Variants in WWC2 observed in about 807,000 individuals in gnomAD.
WWC2 encodes the protein WW and C2 domain containing 2.
In WWC2, 101 loss-of-function variants were observed where a neutral mutation model predicts 138.5. The observed-to-expected ratio is 0.73, with a 90% CI of 0.62 to 0.86. WWC2 has a LOEUF of 0.86. Ranked by LOEUF, WWC2 falls within the 40% of genes least tolerant of loss-of-function variation. WWC2 has a pLI of 0.00. For synonymous variants in WWC2, 558 were observed against 538.4 expected (o/e 1.04, Z -0.50); for missense variants, 1,420 against 1,419.4 (o/e 1.00, Z -0.01).
Position 183,319,410 on chromosome 4 carries a change from T to C in WWC2, c.*3681T>C, listed in dbSNP as rs1739556482. ...AGAAGATAAAAATGGTTTACCAGTC[T>C]TGGAAAGAAACTATAGTTTAATAGC... On this transcript the variant is annotated 3_prime_UTR_variant, in exon 23 of 23. Transcript: ENST00000403733. The C allele has an allele frequency of 1.1e-6, 1 of 911,334 alleles. No homozygotes were observed. 56.5% of individuals were successfully genotyped at this position (911,334 alleles called of 1,614,324 possible).
intron 1 of WWC2, among the ~76,000 whole-genome samples, chr4:183,122,690 T>A (rs1474798841): frequency 6.6e-6 from 1 of 152,144 alleles, no homozygotes; most frequent in East Asian, 1.9e-4. Flanking sequence ...TAGCTAATTT[T>A]GTGTTTTTAG....
chr4:183,135,403 C>G (rs7696325), intron 1 of WWC2, among the ~76,000 whole-genome samples: 11,667 of 151,936 alleles, frequency 0.077, 847 homozygotes, highest in African/African-American at 0.19. Flanking sequence ...GGCTACCCTA[C>G]AAATGATGAG....
At chr4:183,280,702 T>C in intron 16 of WWC2, 74 bp from the exon 17 acceptor site, 2 of 1,464,172 alleles carry the variant, frequency 1.4e-6, no homozygotes, top group Non-Finnish European at 1.8e-6. Context: ...GAAGTGTAAA[T>C]TCCCATCTGC....
rs1489242956 is a variant in WWC2 at position 183,247,604 on chromosome 4, GCTATATATACTATATATACTATATA to G, written c.733-1067_733-1043del. On this transcript the variant is annotated intron_variant, in intron 6 of 22. Coordinates refer to ENST00000403733, the MANE Select transcript of WWC2 (RefSeq NM_024949.6). ...TATATACTATATATATGCTATATAT[GCTATATATACTATATATACTATATA>G]CTATATATACTATATATACTATATA... Among the ~76,000 whole-genome samples the G allele has an allele frequency of 3.9e-3, 415 of 106,770 alleles. 2 individuals carry two copies. The highest frequency in any genetic ancestry group is 6.4e-3 in the Non-Finnish European group (338 of 52,744). 70.0% of individuals were successfully genotyped at this position (106,770 alleles called of 152,430 possible). A position where few individuals can be genotyped will look rare whatever the true frequency, so the allele number is the denominator to read the frequency against.
At chr4:183,153,687 C>G (rs1389651948) in intron 1 of WWC2, among the ~76,000 whole-genome samples, 1 of 147,848 alleles carries the variant, frequency 6.8e-6, no homozygotes, top group African/African-American at 2.5e-5. Flanking sequence ...TTTCTGTCAC[C>G]CAGGTTGGAG....
intron 21 of WWC2, among the ~76,000 whole-genome samples, chr4:183,292,319 G>C (rs1738483224): frequency 6.6e-6 from 1 of 151,788 alleles, no homozygotes; most frequent in African/African-American, 2.4e-5. Context: ...ACCAGCCTGA[G>C]TGACATAACA....
chr4:183,196,075 C>G lies in WWC2; in HGVS notation c.241+2367C>G, dbSNP rs146288450. On this transcript the variant is annotated intron_variant, in intron 2 of 22. Coordinates refer to ENST00000403733, the MANE Select transcript of WWC2 (RefSeq NM_024949.6). The stretch of plus-strand genomic sequence containing the variant: ...TCTTCCGCTTACTCTCTTGCTTCCT[C>G]TCTCACCACATAATGTGGTGCTCCC... Among the ~76,000 whole-genome samples the G allele has an allele frequency of 8.6e-4, 131 of 152,252 alleles. 2 individuals carry two copies. Among genetic ancestry groups the G allele is most frequent in the African/African-American group, 3.1e-3 (127 of 41,536 alleles).
chr4:183,119,727 C>CT (rs1230668215), intron 1 of WWC2, among the ~76,000 whole-genome samples: 1 of 152,096 alleles, frequency 6.6e-6, no homozygotes, highest in East Asian at 1.9e-4. Context: ...AAAAGATATT[C>CT]TGAGTTATGG....
At chr4:183,154,935 T>C (rs1733755141) in intron 1 of WWC2, among the ~76,000 whole-genome samples, 1 of 152,238 alleles carries the variant, frequency 6.6e-6, no homozygotes, top group East Asian at 1.9e-4. Flanking sequence ...TTCATGCTTC[T>C]TTAAGCACTA....
At chr4:183,205,675 G>A (rs1455463409) in intron 2 of WWC2, among the ~76,000 whole-genome samples, 1 of 152,092 alleles carries the variant, frequency 6.6e-6, no homozygotes, top group Non-Finnish European at 1.5e-5. Context: ...TTAGAAGCTT[G>A]TTTCAAAGCT....
intron 5 of WWC2, among the ~76,000 whole-genome samples, chr4:183,241,502 C>T (rs569144843): frequency 5.9e-5 from 9 of 152,180 alleles, no homozygotes; most frequent in Non-Finnish European, 7.3e-5. Context: ...TTCCTGCTTA[C>T]CGCATAGAAT....
chr4:183,284,549 A>G (rs569262296), intron 19 of WWC2, among the ~76,000 whole-genome samples, 159 bp downstream of exon 19: 2 of 152,182 alleles, frequency 1.3e-5, no homozygotes, highest in Non-Finnish European at 2.9e-5. Context: ...TCACGTGCTT[A>G]TGGTCCCTTT....
chr4:183,253,716 T>G, intron 8 of WWC2, 41 bp from the exon 9 acceptor site: 1 of 1,586,300 alleles, frequency 6.3e-7, no homozygotes, highest in Non-Finnish European at 8.5e-7. Context: ...TTCTCAGGAG[T>G]TTTAAGTATG....
intron 1 of WWC2, among the ~76,000 whole-genome samples, chr4:183,140,650 G>T (rs959456297): frequency 6.6e-6 from 1 of 152,096 alleles, no homozygotes; most frequent in Non-Finnish European, 1.5e-5. Context: ...TGTATATAAA[G>T]AAGCATTATT....
chr4:183,260,909 G>T lies in WWC2; in HGVS notation c.1287-1G>T, dbSNP rs1246031397. 1.9e-6 allele frequency: 3 copies of T among 1,612,334 alleles called. No homozygotes were observed. The highest frequency in any genetic ancestry group is 2.5e-6 in the Non-Finnish European group (3 of 1,179,430). ...TATGGTGTGTGCTTTTTGTCTTTCA[G>T]CCTCTCTGCCAGCACCCTGTCCATG... is the stretch of plus-strand genomic sequence containing the variant. On this transcript the variant is annotated splice_acceptor_variant, in intron 10 of 22. Transcript: ENST00000403733. LOFTEE classifies it high-confidence loss of function.
intron 22 of WWC2, among the ~76,000 whole-genome samples, chr4:183,315,427 AC>A (rs1359853617): frequency 1.3e-5 from 2 of 152,142 alleles, no homozygotes; most frequent in African/African-American, 4.8e-5. Context: ...AAGGGAACTT[AC>A]GGGCTTGGTC....
chr4:183,187,127 C>T lies in WWC2; in HGVS notation c.132-6472C>T, dbSNP rs560146151. Among the ~76,000 whole-genome samples the T allele has an allele frequency of 3.9e-5, 6 of 152,204 alleles. No homozygotes were observed. In the South Asian group the frequency reaches 1.2e-3, roughly 32 times the overall value. On this transcript the variant is annotated intron_variant, in intron 1 of 22. Transcript: ENST00000403733. ...CACCTTGGCTCCCCAGGGCAAGCAC[C>T]AAATCCTTTCCTTGTTATATCCCCC...
At chr4:183,135,620 G>A (rs72695786) in intron 1 of WWC2, among the ~76,000 whole-genome samples, 6,439 of 152,106 alleles carry the variant, frequency 0.042, 168 homozygotes, top group African/African-American at 0.069. Flanking sequence ...AATGTTTTAT[G>A]TAGTATGTTT....
At position 183,320,351 on chromosome 4, in the gene WWC2, A is replaced by G. The variant is rs1011018821; in HGVS notation, c.*4622A>G. 22 of 861,272 alleles carry G rather than the reference A, an allele frequency of 2.6e-5. No individual in the cohort carries two copies. The Admixed American group carries it at 4.3e-4, about 17-fold the overall frequency. 53.4% of individuals were successfully genotyped at this position (861,272 alleles called of 1,614,324 possible). Reference sequence around the variant, plus strand: ...TTGTGTATATAGGAGGATTCTTGCCAGAGTTGCTATTGTTTGATTCCATGT... The same window carrying G: ...TTGTGTATATAGGAGGATTCTTGCCGGAGTTGCTATTGTTTGATTCCATGT... On this transcript the variant is annotated 3_prime_UTR_variant, in exon 23 of 23. Coordinates refer to ENST00000403733, the MANE Select transcript of WWC2 (RefSeq NM_024949.6).
Sources: gnomAD v4.1 joint callset for allele counts (sites outside exome capture counted in the v4.1 genomes callset) on GRCh38, gnomAD v4.1.1 for gene constraint, MANE v1.5 for transcripts, NCBI Gene and HGNC (gene_info 2026-07-23, HGNC 2026-07-21) for gene names.